CARF: variants seen among roughly 807,000 people sequenced by gnomAD.
CARF encodes the protein calcium responsive transcription factor.
Under a neutral mutation model 82.0 loss-of-function variants are expected in CARF, and 57 were observed. The observed-to-expected ratio is 0.70, with a 90% CI of 0.56 to 0.87. The LOEUF (loss-of-function observed/expected upper bound fraction) is 0.87, where lower values mean the gene tolerates loss of function less well. Among genes scored for constraint, CARF ranks in the 40% least tolerant of loss-of-function variants. CARF has a pLI of 0.00. For missense variants in CARF, 771 were observed against 855.8 expected, an observed-to-expected ratio of 0.90 and a Z score of 1.24; for synonymous variants, 268 against 290.1, an observed-to-expected ratio of 0.92 and a Z score of 0.77.
intron 1 of CARF, among the ~76,000 whole-genome samples, chr2:202,916,508 A>G (rs1049875462): frequency 2.0e-5 from 3 of 152,188 alleles, no homozygotes; most frequent in Non-Finnish European, 4.4e-5. Context: ...TGTAGTTAAT[A>G]AGATCTGGCG....
intron 13 of CARF, among the ~76,000 whole-genome samples, chr2:202,975,622 C>T: frequency 6.6e-6 from 1 of 151,830 alleles, no homozygotes; most frequent in East Asian, 1.9e-4. Context: ...AACAAAAAAC[C>T]ACTAATCTTT....
At chr2:202,955,370 T>A (rs2058987311) in intron 7 of CARF, among the ~76,000 whole-genome samples, 1 of 152,170 alleles carries the variant, frequency 6.6e-6, no homozygotes, top group South Asian at 2.1e-4. Flanking sequence ...TTTTGATAAA[T>A]GAAAACAGTT....
chr2:202,985,204 T>C lies in CARF; in HGVS notation c.*1580T>C, dbSNP rs2060395427. 6.6e-6 allele frequency: 1 copy of C among 152,110 alleles called. No individual in the cohort carries two copies. Among genetic ancestry groups the C allele is most frequent in the Non-Finnish European group, 1.5e-5 (1 of 68,030 alleles). The allele number at this position is 152,110 out of a possible 1,614,324, so 9.4% of individuals were successfully genotyped here. On this transcript the variant is annotated 3_prime_UTR_variant, in exon 17 of 17. Coordinates refer to ENST00000438828, the MANE Select transcript of CARF (RefSeq NM_024744.17). ...TTTAAATGGATATCAATGTTTAATA[T>C]TCAAAACATGCACAATATAATATCA...
At chr2:202,925,467 A>C (rs539111921) in intron 3 of CARF, 1 of 270,678 alleles carries the variant, frequency 3.7e-6, no homozygotes, top group Admixed American at 4.2e-5. Flanking sequence ...GCTGAGCTGA[A>C]ACTGAAAGCA....
intron 3 of CARF, among the ~76,000 whole-genome samples, chr2:202,929,793 A>G (rs182933195): frequency 6.6e-6 from 1 of 152,004 alleles, no homozygotes; most frequent in Non-Finnish European, 1.5e-5. Context: ...GGGTCTTGCT[A>G]CAGTACCCAG....
At position 202,932,484 on chromosome 2, in the gene CARF, G is replaced by A. The variant is rs539225216; in HGVS notation, c.-44+8069G>A. Among the ~76,000 whole-genome samples the A allele has an allele frequency of 3.3e-5, 5 of 152,168 alleles. No homozygotes were observed. The East Asian group carries it at 5.8e-4, about 18-fold the overall frequency. On this transcript the variant is annotated intron_variant, in intron 3 of 16. Transcript: ENST00000438828. ...AGAACTGGCCCAAGCCTAGGGGAAC[G>A]GAGGGGGTACCCTGGAGGTTTGGGA...
At chr2:202,953,091 C>T (rs1045554719) in intron 6 of CARF, among the ~76,000 whole-genome samples, 3 of 152,110 alleles carry the variant, frequency 2.0e-5, no homozygotes, top group African/African-American at 4.8e-5. Flanking sequence ...ATGATCTCGG[C>T]TTACTGCAAC....
chr2:202,928,646 A>G (rs1340449956), intron 3 of CARF, among the ~76,000 whole-genome samples: 1 of 152,194 alleles, frequency 6.6e-6, no homozygotes. Context: ...TGTCTTTTTG[A>G]TAATAGCCAT....
chr2:202,944,960 T>A (rs2058423225), intron 5 of CARF, among the ~76,000 whole-genome samples: 1 of 152,140 alleles, frequency 6.6e-6, no homozygotes, highest in Non-Finnish European at 1.5e-5. Flanking sequence ...ACAAAGGTGG[T>A]TTTACATTGT....
chr2:202,938,662 T>G (rs202143706), intron 3 of CARF, among the ~76,000 whole-genome samples: 2 of 151,884 alleles, frequency 1.3e-5, no homozygotes, highest in East Asian at 3.9e-4. Flanking sequence ...TTTTTTTGTT[T>G]TTTTTTTGTT....
chr2:202,918,074 A>G (rs532369257), intron 2 of CARF, 31 bp downstream of exon 2: 7 of 443,544 alleles, frequency 1.6e-5, no homozygotes, highest in Non-Finnish European at 2.2e-5. Flanking sequence ...GAAAGTAACA[A>G]CTTTATTTTA....
chr2:202,983,732 T>A lies in CARF; in HGVS notation c.*108T>A. The A allele has an allele frequency of 1.4e-6, 1 of 713,376 alleles. No homozygotes were observed. Among genetic ancestry groups the A allele is most frequent in the South Asian group, 1.7e-5 (1 of 60,336 alleles). The allele number at this position is 713,376 out of a possible 1,614,324, so 44.2% of individuals were successfully genotyped here. Reference sequence around the variant, plus strand: ...TTGAGATAATTGGACTGAAGACCAGTTTGATGAGAAGCTTTTATTTAAAAC... The same window carrying A: ...TTGAGATAATTGGACTGAAGACCAGATTGATGAGAAGCTTTTATTTAAAAC... On this transcript the variant is annotated 3_prime_UTR_variant, in exon 17 of 17. Transcript: ENST00000438828.
rs1163017299 is a variant in CARF at position 202,984,239 on chromosome 2, A to G, written c.*615A>G. On this transcript the variant is annotated 3_prime_UTR_variant, in exon 17 of 17. Transcript: ENST00000438828. ...TAGCCTCTTCCCTTCCAATTTTTGT[A>G]CTTTTAACTACAAACCAGTAGTATA... 1.3e-5 allele frequency: 2 copies of G among 152,212 alleles called. No individual in the cohort carries two copies. Among genetic ancestry groups the G allele is most frequent in the South Asian group, 4.1e-4 (2 of 4,832 alleles). The allele number at this position is 152,212 out of a possible 1,614,324, so 9.4% of individuals were successfully genotyped here. A position where few individuals can be genotyped will look rare whatever the true frequency, so the allele number is the denominator to read the frequency against.
intron 10 of CARF, among the ~76,000 whole-genome samples, chr2:202,967,354 G>A (rs2105901824): frequency 6.6e-6 from 1 of 152,182 alleles, no homozygotes; most frequent in South Asian, 2.1e-4. Context: ...TATAAATGTT[G>A]TTGAAAATCT....
In CARF at chr2:202,974,329, T is replaced by C. The variant is rs1483388363; in HGVS notation, c.1332-5T>C. 6.3e-7 allele frequency: 1 copy of C among 1,575,042 alleles called. No homozygotes were observed. Among genetic ancestry groups the C allele is most frequent in the East Asian group, 2.3e-5 (1 of 44,070 alleles). ...TGTCTTTATTCCATTTTGTATTCTT[T>C]ACAGAAAATTTGTGGAAAGGGAACT... On this transcript the variant is annotated splice_region_variant and splice_polypyrimidine_tract_variant and intron_variant, in intron 12 of 16. Coordinates refer to ENST00000438828, the MANE Select transcript of CARF (RefSeq NM_024744.17).
intron 5 of CARF, among the ~76,000 whole-genome samples, chr2:202,949,518 TA>T (rs370229153): frequency 0.31 from 27,254 of 88,856 alleles, 3,195 homozygotes; most frequent in East Asian, 0.51. Flanking sequence ...GTTATTTATT[TA>T]TTATTATTAT....
intron 8 of CARF, 64 bp from the exon 9 acceptor site, chr2:202,961,173 C>G (rs1316398636): frequency 5.2e-6 from 7 of 1,340,952 alleles, no homozygotes; most frequent in African/African-American, 4.4e-5. Context: ...ACAACCATCT[C>G]ATTACATTTA....
At chr2:202,914,355 TTTTC>T (rs1254994464) in intron 1 of CARF, among the ~76,000 whole-genome samples, 4 of 152,188 alleles carry the variant, frequency 2.6e-5, no homozygotes, top group Middle Eastern at 3.2e-3. Flanking sequence ...TTCTTTGTGT[TTTTC>T]TTTTTTTCCA....
In CARF at chr2:202,986,601, A is replaced by AT. The variant is rs965840629; in HGVS notation, c.*2983dup. On this transcript the variant is annotated 3_prime_UTR_variant, in exon 17 of 17. Coordinates refer to ENST00000438828, the MANE Select transcript of CARF (RefSeq NM_024744.17). ...ATGGTGGACCTTTCCCTCAATAGTG[A>AT]TTTTTTGTACAAACAGTTAGTATAA... The AT allele has an allele frequency of 1.3e-5, 2 of 150,456 alleles. No individual in the cohort carries two copies. Among genetic ancestry groups the AT allele is most frequent in the South Asian group, 2.1e-4 (1 of 4,810 alleles). 9.3% of individuals were successfully genotyped at this position (150,456 alleles called of 1,614,324 possible).
Sources: allele counts gnomAD v4.1 joint callset (sites outside exome capture counted in the v4.1 genomes callset), GRCh38; gene constraint gnomAD v4.1.1; transcripts MANE v1.5; gene names NCBI Gene and HGNC (gene_info 2026-07-23, HGNC 2026-07-21).